HSPBAP1: variants seen among roughly 807,000 people sequenced by gnomAD.
HSPBAP1 encodes the protein HSPB1-associated protein 1.
A neutral mutation model predicts 45.2 loss-of-function variants in HSPBAP1; 27 were observed. That is an observed-to-expected ratio of 0.60 (90% CI 0.44 to 0.82). The LOEUF is 0.82. Ranked by LOEUF, HSPBAP1 falls within the 40% of genes least tolerant of loss-of-function variation. HSPBAP1 has a pLI of 0.00. For synonymous variants in HSPBAP1, 204 were observed against 202.7 expected, an observed-to-expected ratio of 1.01 and a Z score of -0.06; for missense variants, 510 against 590.9, an observed-to-expected ratio of 0.86 and a Z score of 1.42.
In HSPBAP1 at chr3:122,755,357, C is replaced by G. The variant is rs1290562036; in HGVS notation, c.644G>C (p.Ser215Thr). 6.2e-7 allele frequency: 1 copy of G among 1,600,518 alleles called. No homozygotes were observed. The highest frequency in any genetic ancestry group is 1.4e-5 in the African/African-American group (1 of 73,390). The change falls in exon 5 of 8, where the codon AGT becomes ACT. Residue 215 changes from serine (S) to threonine (T), a missense_variant. Physicochemically the swap from Ser to Thr is moderately conservative, Grantham distance 58. Coordinates refer to ENST00000306103, the MANE Select transcript of HSPBAP1 (RefSeq NM_024610.6). ...GACAACATTGATTTTACTGAACACACTAGATTCTTCATAAGGGATTCTAGT... is the reference window on the plus strand; with the variant it reads ...GACAACATTGATTTTACTGAACACAGTAGATTCTTCATAAGGGATTCTAGT... ...YPTRIPYEES[S>T]VFSKINVVNP...
chr3:122,790,894 C>T (rs1355033997), intron 1 of HSPBAP1, among the ~76,000 whole-genome samples: 2 of 152,282 alleles, frequency 1.3e-5, no homozygotes, highest in South Asian at 2.1e-4. Context: ...TTGTACTGAA[C>T]ATACTGACCC....
intron 6 of HSPBAP1, among the ~76,000 whole-genome samples, chr3:122,743,633 A>G (rs549765617): frequency 3.0e-4 from 46 of 152,262 alleles, no homozygotes; most frequent in Non-Finnish European, 4.6e-4. Context: ...ACACCTAGGA[A>G]TGGAATTGCT....
At chr3:122,755,196 G>C (rs1934302648) in intron 5 of HSPBAP1, 64 bp downstream of exon 5, 1 of 1,353,464 alleles carries the variant, frequency 7.4e-7, no homozygotes, top group Non-Finnish European at 9.8e-7. Flanking sequence ...ACAGCATAAG[G>C]ACTTGAGAGA....
chr3:122,760,292 C>G (rs1431189219), intron 3 of HSPBAP1, among the ~76,000 whole-genome samples: 1 of 151,776 alleles, frequency 6.6e-6, no homozygotes, highest in East Asian at 1.9e-4. Flanking sequence ...ACTAGTGAAC[C>G]AGGCATGATG....
intron 1 of HSPBAP1, among the ~76,000 whole-genome samples, chr3:122,788,162 T>C (rs1935713376): frequency 6.6e-6 from 1 of 152,200 alleles, no homozygotes; most frequent in African/African-American, 2.4e-5. Flanking sequence ...CCTTTTAGCT[T>C]CTTTCCATCC....
chr3:122,752,582 A>G lies in HSPBAP1; in HGVS notation c.825+9T>C. On this transcript the variant is annotated intron_variant, in intron 6 of 7. Transcript: ENST00000306103. ...ACTTAAAAAAAAAAAAAAAACAACG[A>G]AAAAGTACCAGTTCAATCCATGAGT... 1.3e-6 allele frequency: 2 copies of G among 1,538,422 alleles called. No individual in the cohort carries two copies. Among genetic ancestry groups the G allele is most frequent in the Non-Finnish European group, 1.8e-6 (2 of 1,138,014 alleles).
At chr3:122,793,587 C>G (rs1211162949) in intron 1 of HSPBAP1, 30 bp downstream of exon 1, 1 of 1,609,704 alleles carries the variant, frequency 6.2e-7, no homozygotes, top group Non-Finnish European at 8.5e-7. Context: ...TGGGTTTGTA[C>G]TCAGGGTCGG....
At chr3:122,781,426 G>A (rs1424302993) in intron 1 of HSPBAP1, among the ~76,000 whole-genome samples, 7 of 151,696 alleles carry the variant, frequency 4.6e-5, no homozygotes, top group African/African-American at 7.2e-5. Flanking sequence ...GTGGCGGCGC[G>A]TGCCTGCAAT....
At chr3:122,744,532 T>C (rs1407980309) in intron 6 of HSPBAP1, among the ~76,000 whole-genome samples, 1 of 152,242 alleles carries the variant, frequency 6.6e-6, no homozygotes, top group Non-Finnish European at 1.5e-5. Context: ...AGTTTTTCAA[T>C]AAACATTGAA....
chr3:122,757,711 G>T (rs1420253471), intron 4 of HSPBAP1, among the ~76,000 whole-genome samples: 2 of 152,154 alleles, frequency 1.3e-5, no homozygotes, highest in Non-Finnish European at 2.9e-5. Context: ...TTATTCCAGA[G>T]TTATATAAGG....
At chr3:122,746,779 A>G (rs1037802120) in intron 6 of HSPBAP1, among the ~76,000 whole-genome samples, 12 of 152,000 alleles carry the variant, frequency 7.9e-5, no homozygotes, top group Non-Finnish European at 5.9e-5. Context: ...CGGCCTGCCG[A>G]GTGCCTGCGA....
At chr3:122,757,862 T>G (rs1218930143) in intron 4 of HSPBAP1, among the ~76,000 whole-genome samples, 1 of 152,244 alleles carries the variant, frequency 6.6e-6, no homozygotes, top group Non-Finnish European at 1.5e-5. Context: ...CAGCAGCTAC[T>G]TAAAATGTTG....
At chr3:122,747,418 G>A (rs1475559045) in intron 6 of HSPBAP1, among the ~76,000 whole-genome samples, 3 of 151,490 alleles carry the variant, frequency 2.0e-5, no homozygotes, top group African/African-American at 2.4e-5. Context: ...CCCTCCGCCC[G>A]GCAACCACAC....
At chr3:122,761,794 CAAA>C (rs572486620) in intron 3 of HSPBAP1, 12 of 53,840 alleles carry the variant, frequency 2.2e-4, no homozygotes, top group Admixed American at 4.4e-4. Context: ...GACCTTGTCT[CAAA>C]AAAAAAAAAA....
At chr3:122,758,715 A>G in intron 4 of HSPBAP1, 1 of 453,720 alleles carries the variant, frequency 2.2e-6, no homozygotes, top group South Asian at 1.6e-5. Context: ...GCAACACAGA[A>G]AGACTCCATC....
At chr3:122,779,199 G>A (rs146097311) in intron 1 of HSPBAP1, among the ~76,000 whole-genome samples, 1 of 151,558 alleles carries the variant, frequency 6.6e-6, no homozygotes, top group African/African-American at 2.4e-5. Context: ...CCGCCACCTC[G>A]CCAGGTTAAT....
In HSPBAP1 at chr3:122,755,086, T is replaced by C. The variant is rs1678712930; in HGVS notation, c.741+174A>G. 3 of 1,225,840 alleles carry C rather than the reference T, an allele frequency of 2.4e-6. No homozygotes were observed. In the South Asian group the frequency reaches 1.2e-4, roughly 48 times the overall value. 75.9% of individuals were successfully genotyped at this position (1,225,840 alleles called of 1,614,324 possible). On this transcript the variant is annotated intron_variant, in intron 5 of 7. Coordinates refer to ENST00000306103, the MANE Select transcript of HSPBAP1 (RefSeq NM_024610.6). ...CTTTCCAGGACCTGTGAAGCAGAGGTGTATGTGTCTGAAGCCTACAACTGG... is the reference window on the plus strand; with the variant it reads ...CTTTCCAGGACCTGTGAAGCAGAGGCGTATGTGTCTGAAGCCTACAACTGG...
rs527661624 is a variant in HSPBAP1, at chr3:122,777,786, T to C, written c.185A>G (p.Tyr62Cys). Residue 62 changes from tyrosine to cysteine, a missense_variant, in exon 2 of 8, where the codon TAC becomes TGC. Coordinates refer to ENST00000306103, the MANE Select transcript of HSPBAP1 (RefSeq NM_024610.6). ...DWPARHWNAK[Y>C]LSQVLHGKQI... Reference sequence around the variant, plus strand: ...CTTGCCATGAAGGACCTGCGAAAGGTATTTAGCATTCCAGTGTCGTGCTGG... The same window carrying C: ...CTTGCCATGAAGGACCTGCGAAAGGCATTTAGCATTCCAGTGTCGTGCTGG... 6.2e-7 allele frequency: 1 copy of C among 1,614,076 alleles called. No homozygotes were observed. The highest frequency in any genetic ancestry group is 1.3e-5 in the African/African-American group (1 of 75,024).
In HSPBAP1 at chr3:122,768,886, C is replaced by T; in HGVS notation, c.251-4G>A. 2 of 1,586,744 alleles carry T rather than the reference C, an allele frequency of 1.3e-6. No homozygotes were observed. Among genetic ancestry groups the T allele is most frequent in the Non-Finnish European group, 1.7e-6 (2 of 1,157,350 alleles). On this transcript the variant is annotated splice_polypyrimidine_tract_variant and splice_region_variant and intron_variant, in intron 2 of 7. Transcript: ENST00000306103. Reference sequence around the variant, plus strand: ...CATGTAGTTTCAAACTGAGGAACTGCAATGTAAGAGAATGCAACCTTAAAT... The same window carrying T: ...CATGTAGTTTCAAACTGAGGAACTGTAATGTAAGAGAATGCAACCTTAAAT...
Sources: gnomAD v4.1 joint callset for allele counts (sites outside exome capture counted in the v4.1 genomes callset) on GRCh38, gnomAD v4.1.1 for gene constraint, MANE v1.5 for transcripts, NCBI Gene and HGNC (gene_info 2026-07-23, HGNC 2026-07-21) for gene names.